Variants in GAP43 observed in about 807,000 individuals in gnomAD.
GAP43 encodes neuromodulin.
A neutral mutation model predicts 18.6 loss-of-function variants in GAP43; 6 were observed. The ratio of observed to expected loss-of-function variants is 0.32; its 90% CI spans 0.18 to 0.64. The LOEUF (loss-of-function observed/expected upper bound fraction) is 0.64, where lower values mean the gene tolerates loss of function less well. GAP43 is among the 30% of genes least tolerant of loss of function. The pLI is 0.78. For missense variants in GAP43, 292 were observed against 295.5 expected (o/e 0.99, Z 0.09); for synonymous variants, 115 against 111.4 (o/e 1.03, Z -0.20).
Position 115,623,558 on chromosome 3 carries a change from G to A in GAP43, c.-132G>A. On this transcript the variant is annotated 5_prime_UTR_variant, in exon 1 of 3. Coordinates refer to ENST00000305124, the MANE Select transcript of GAP43 (RefSeq NM_002045.4). ...TGTGTGTGAGGGAGAGAGAGGGAGG[G>A]AGGGAGAGAGAGCGCGCTAGCGCGA... The A allele has an allele frequency of 8.9e-7, 1 of 1,129,192 alleles. No individual in the cohort carries two copies. The highest frequency in any genetic ancestry group is 1.3e-6 in the Non-Finnish European group (1 of 763,658). The allele number at this position is 1,129,192 out of a possible 1,614,324, so 69.9% of individuals were successfully genotyped here.
intron 1 of GAP43, among the ~76,000 whole-genome samples, chr3:115,662,913 T>G (rs182954127): frequency 1.0e-3 from 155 of 152,370 alleles, no homozygotes; most frequent in African/African-American, 3.6e-3. Context: ...TAGATTATTA[T>G]TAATCCCTGA....
rs373565827 is a variant in GAP43 at position 115,721,402 on chromosome 3, G to T, written c.*520G>T. The T allele has an allele frequency of 6.6e-6, 1 of 152,152 alleles. No homozygotes were observed. The highest frequency in any genetic ancestry group is 1.5e-5 in the Non-Finnish European group (1 of 68,040). 9.4% of individuals were successfully genotyped at this position (152,152 alleles called of 1,614,324 possible). A position where few individuals can be genotyped will look rare whatever the true frequency, so the allele number is the denominator to read the frequency against. On this transcript the variant is annotated 3_prime_UTR_variant, in exon 3 of 3. Coordinates refer to ENST00000305124, the MANE Select transcript of GAP43 (RefSeq NM_002045.4). Reference sequence around the variant, plus strand: ...TTTGTTTTAAAAATAAATAAATAAAGCAAATGTGCCAATTAGCGTAAACTT... The same window carrying T: ...TTTGTTTTAAAAATAAATAAATAAATCAAATGTGCCAATTAGCGTAAACTT...
intron 1 of GAP43, among the ~76,000 whole-genome samples, chr3:115,647,003 T>G (rs1708465608): frequency 6.6e-6 from 1 of 151,972 alleles, no homozygotes; most frequent in Non-Finnish European, 1.5e-5. Flanking sequence ...GTGCTATGAT[T>G]TGAATGTTAG....
chr3:115,713,085 G>C (rs1239253780), intron 2 of GAP43, among the ~76,000 whole-genome samples: 1 of 152,114 alleles, frequency 6.6e-6, no homozygotes, highest in Non-Finnish European at 1.5e-5. Flanking sequence ...CATGATCCAG[G>C]CTCCAGATGG....
chr3:115,711,877 A>G (rs1709443727), intron 2 of GAP43, among the ~76,000 whole-genome samples: 1 of 152,230 alleles, frequency 6.6e-6, no homozygotes, highest in South Asian at 2.1e-4. Flanking sequence ...AAGTTGACTT[A>G]TTCATTGTAA....
Position 115,624,833 on chromosome 3 carries a change from C to T in GAP43, c.30+1114C>T, listed in dbSNP as rs1384133138. Among the ~76,000 whole-genome samples, 12 of 132,008 alleles carry T rather than the reference C, an allele frequency of 9.1e-5. 2 individuals are homozygous for T. The highest frequency in any genetic ancestry group is 3.5e-4 in the African/African-American group (12 of 34,510). The allele number at this position is 132,008 out of a possible 152,430, so 86.6% of individuals were successfully genotyped here. A position where few individuals can be genotyped will look rare whatever the true frequency, so the allele number is the denominator to read the frequency against. On this transcript the variant is annotated intron_variant, in intron 1 of 2. Transcript: ENST00000305124. ...TTGGAATGCATTTGAGTGATTTTGG[C>T]AAAGGTTAAAGAGAAAAATGGGTGT...
intron 2 of GAP43, among the ~76,000 whole-genome samples, chr3:115,690,219 C>T (rs1263035971): frequency 6.7e-6 from 1 of 149,754 alleles, no homozygotes; most frequent in Non-Finnish European, 1.5e-5. Flanking sequence ...AGGAGAGACC[C>T]CCCCGCCACC....
intron 1 of GAP43, among the ~76,000 whole-genome samples, chr3:115,655,553 T>C (rs540108957): frequency 1.3e-5 from 2 of 152,290 alleles, no homozygotes; most frequent in African/African-American, 4.8e-5. Flanking sequence ...TCTTAAATCA[T>C]GTCAAATAGT....
At chr3:115,704,066 C>T (rs962487209) in intron 2 of GAP43, among the ~76,000 whole-genome samples, 3 of 152,026 alleles carry the variant, frequency 2.0e-5, no homozygotes, top group African/African-American at 7.2e-5. Context: ...ACAATGACTG[C>T]AAAATGAGTT....
At chr3:115,671,098 T>G (rs1030098679) in intron 1 of GAP43, among the ~76,000 whole-genome samples, 1 of 152,338 alleles carries the variant, frequency 6.6e-6, no homozygotes, top group South Asian at 2.1e-4. Context: ...GTGAAATGCA[T>G]TGAGGTATCC....
chr3:115,646,939 G>C (rs1708464975), intron 1 of GAP43, among the ~76,000 whole-genome samples: 1 of 152,048 alleles, frequency 6.6e-6, no homozygotes, highest in Non-Finnish European at 1.5e-5. Context: ...ATTAGAGGTA[G>C]TATGGGACAT....
At chr3:115,641,085 G>A (rs567428805) in intron 1 of GAP43, among the ~76,000 whole-genome samples, 23 of 136,456 alleles carry the variant, frequency 1.7e-4, no homozygotes, top group Non-Finnish European at 2.5e-4. Context: ...GACTGGTCTC[G>A]AGCTCCTGGG....
chr3:115,695,120 T>C (rs1357275643), intron 2 of GAP43, among the ~76,000 whole-genome samples: 1 of 152,230 alleles, frequency 6.6e-6, no homozygotes, highest in Non-Finnish European at 1.5e-5. Context: ...AAGTTCAATG[T>C]GATCAGAAAA....
At chr3:115,711,121 C>A (rs1311539026) in intron 2 of GAP43, among the ~76,000 whole-genome samples, 2 of 152,056 alleles carry the variant, frequency 1.3e-5, no homozygotes, top group South Asian at 4.1e-4. Context: ...ATTTTCTTAT[C>A]AAAAAATTGG....
At position 115,721,103 on chromosome 3, in the gene GAP43, T is replaced by C. The variant is rs1439080983; in HGVS notation, c.*221T>C. The C allele has an allele frequency of 7.0e-6, 2 of 284,484 alleles. No individual in the cohort carries two copies. The highest frequency in any genetic ancestry group is 1.3e-5 in the Non-Finnish European group (2 of 150,854). The allele number at this position is 284,484 out of a possible 1,614,324, so 17.6% of individuals were successfully genotyped here. ...CAAGTCAAACAGTGTGGCTTAAACATTTTTTGTTTCTTGGTGTTGTTATGG... is the reference window on the plus strand; with the variant it reads ...CAAGTCAAACAGTGTGGCTTAAACACTTTTTGTTTCTTGGTGTTGTTATGG... On this transcript the variant is annotated 3_prime_UTR_variant, in exon 3 of 3. Coordinates refer to ENST00000305124, the MANE Select transcript of GAP43 (RefSeq NM_002045.4).
intron 1 of GAP43, among the ~76,000 whole-genome samples, chr3:115,651,163 C>T (rs1371955467): frequency 1.3e-5 from 2 of 151,956 alleles, no homozygotes; most frequent in Non-Finnish European, 2.9e-5. Context: ...AAGTAAAATC[C>T]AATTCTGTCA....
chr3:115,698,329 A>ATTATATATAAAATATATATAATAT (rs1709252020), intron 2 of GAP43, among the ~76,000 whole-genome samples: 2 of 90,916 alleles, frequency 2.2e-5, no homozygotes, highest in African/African-American at 4.0e-5. Context: ...ATATATATAT[A>ATTATATATAAAATATATATAATAT]AAACCAGTTC....
intron 1 of GAP43, among the ~76,000 whole-genome samples, chr3:115,656,400 C>T (rs1708582308): frequency 6.6e-6 from 1 of 152,196 alleles, no homozygotes; most frequent in Non-Finnish European, 1.5e-5. Context: ...CCCACTAGCA[C>T]ATTTACTAAC....
At chr3:115,639,775 G>A (rs1272258095) in intron 1 of GAP43, among the ~76,000 whole-genome samples, 1 of 152,010 alleles carries the variant, frequency 6.6e-6, no homozygotes, top group African/African-American at 2.4e-5. Flanking sequence ...CCTAACTTAT[G>A]TCTCCTACAC....
Sources: gnomAD v4.1 joint callset for allele counts (sites outside exome capture counted in the v4.1 genomes callset) on GRCh38, gnomAD v4.1.1 for gene constraint, MANE v1.5 for transcripts, NCBI Gene and HGNC (gene_info 2026-07-23, HGNC 2026-07-21) for gene names.